The following ITFG1 variants were observed in gnomAD, a reference collection of about 807,000 sequenced individuals.
The protein encoded by ITFG1 is T-cell immunomodulatory protein.
ITFG1 carries 34 observed loss-of-function variants against 81.8 expected under a neutral mutation model. That is an observed-to-expected ratio of 0.42 (90% CI 0.32 to 0.55). The LOEUF is 0.55. Among genes scored for constraint, ITFG1 ranks in the 20% least tolerant of loss-of-function variants. ITFG1 has a pLI of 0.17. For missense variants in ITFG1, 672 were observed against 755.4 expected (o/e 0.89, Z 1.29); for synonymous variants, 285 against 270.6 (o/e 1.05, Z -0.52).
chr16:47,341,687 T>C (rs758224602), intron 8 of ITFG1, among the ~76,000 whole-genome samples: 52 of 152,088 alleles, frequency 3.4e-4, no homozygotes, highest in Non-Finnish European at 7.1e-4. Context: ...TGAACTTTTA[T>C]CTAGATTGAC....
intron 6 of ITFG1, among the ~76,000 whole-genome samples, chr16:47,421,689 A>T (rs545883736): frequency 6.6e-4 from 101 of 152,152 alleles, no homozygotes; most frequent in East Asian, 3.1e-3. Context: ...CCTTTTTTTT[A>T]AAATTATACT....
At chr16:47,164,134 C>T (rs146140695) in intron 14 of ITFG1, among the ~76,000 whole-genome samples, 1 of 150,942 alleles carries the variant, frequency 6.6e-6, no homozygotes, top group East Asian at 1.9e-4. Flanking sequence ...ATCGCTTAAC[C>T]CCACCCAAGG....
At chr16:47,189,976 G>A (rs1965272500) in intron 14 of ITFG1, among the ~76,000 whole-genome samples, 1 of 152,062 alleles carries the variant, frequency 6.6e-6, no homozygotes, top group Non-Finnish European at 1.5e-5. Context: ...TTCCTTTTGA[G>A]TTGTATTAGG....
At chr16:47,192,806 G>T (rs1428695011) in intron 14 of ITFG1, among the ~76,000 whole-genome samples, 1 of 152,150 alleles carries the variant, frequency 6.6e-6, no homozygotes, top group Non-Finnish European at 1.5e-5. Context: ...TACACACACA[G>T]AAACACAAGG....
At chr16:47,196,311 C>A (rs553194537) in intron 14 of ITFG1, 1 of 151,664 alleles carries the variant, frequency 6.6e-6, no homozygotes, top group Non-Finnish European at 1.5e-5. Context: ...AATTACTTCA[C>A]CTATTTCTTT....
intron 6 of ITFG1, among the ~76,000 whole-genome samples, chr16:47,382,692 T>C (rs1383403844): frequency 6.6e-6 from 1 of 152,192 alleles, no homozygotes; most frequent in Non-Finnish European, 1.5e-5. Flanking sequence ...CTTTATTTAT[T>C]TCAGATTGTA....
At chr16:47,425,254 G>T (rs1440447656) in intron 6 of ITFG1, among the ~76,000 whole-genome samples, 1 of 152,194 alleles carries the variant, frequency 6.6e-6, no homozygotes, top group Non-Finnish European at 1.5e-5. Flanking sequence ...GTGGAGCCAG[G>T]CACGGGAAGG....
intron 14 of ITFG1, among the ~76,000 whole-genome samples, chr16:47,207,128 G>A (rs1325982382): frequency 1.3e-5 from 2 of 152,144 alleles, no homozygotes; most frequent in Admixed American, 1.3e-4. Flanking sequence ...TGTCGCCCAG[G>A]CTGGAGTGCA....
At chr16:47,171,422 T>C (rs577815126) in intron 14 of ITFG1, among the ~76,000 whole-genome samples, 1 of 152,328 alleles carries the variant, frequency 6.6e-6, no homozygotes, top group East Asian at 1.9e-4. Flanking sequence ...TATTTGCCTT[T>C]TCCCTTTTTT....
chr16:47,438,307 A>G (rs1044542354), intron 5 of ITFG1, among the ~76,000 whole-genome samples: 2 of 152,240 alleles, frequency 1.3e-5, no homozygotes, highest in Non-Finnish European at 2.9e-5. Context: ...GCAGACTTAA[A>G]TATCTCTGTC....
intron 14 of ITFG1, among the ~76,000 whole-genome samples, chr16:47,188,145 A>T (rs1450404034): frequency 1.3e-5 from 2 of 149,776 alleles, no homozygotes; most frequent in Non-Finnish European, 3.0e-5. Context: ...AGAAATAGGA[A>T]CACTTTTACA....
At chr16:47,309,100 G>T (rs1391523720) in intron 10 of ITFG1, among the ~76,000 whole-genome samples, 5 of 130,976 alleles carry the variant, frequency 3.8e-5, no homozygotes, top group African/African-American at 5.8e-5. Flanking sequence ...ATGGCGTCTT[G>T]CTCTGTCGCC....
intron 10 of ITFG1, among the ~76,000 whole-genome samples, chr16:47,290,916 C>T (rs1421894019): frequency 3.3e-5 from 5 of 152,052 alleles, no homozygotes; most frequent in Admixed American, 6.6e-5. Context: ...AATGTGGTTT[C>T]ACAGTTTTTT....
At chr16:47,432,657 A>C (rs1969109624) in intron 5 of ITFG1, among the ~76,000 whole-genome samples, 1 of 152,264 alleles carries the variant, frequency 6.6e-6, no homozygotes, top group Non-Finnish European at 1.5e-5. Context: ...AGAAAATATT[A>C]AAATGAATTG....
At chr16:47,172,347 G>C (rs549940020) in intron 14 of ITFG1, among the ~76,000 whole-genome samples, 1 of 152,268 alleles carries the variant, frequency 6.6e-6, no homozygotes, top group African/African-American at 2.4e-5. Context: ...AATTAGCCAG[G>C]CGTGGTGGCG....
At chr16:47,155,812 TAGAA>T (rs765291234) in intron 17 of ITFG1, 34 bp from the exon 18 acceptor site, 6 of 1,476,448 alleles carry the variant, frequency 4.1e-6, no homozygotes, top group Admixed American at 1.8e-5. Context: ...TTATAAATGG[TAGAA>T]AGATGTTATG....
chr16:47,329,838 G>A (rs531144182), intron 8 of ITFG1, among the ~76,000 whole-genome samples: 2 of 152,218 alleles, frequency 1.3e-5, no homozygotes, highest in South Asian at 4.2e-4. Flanking sequence ...TGCGTCGAGA[G>A]CCCATATTCT....
rs147930982 is a variant in ITFG1 at position 47,337,740 on chromosome 16, G to A, written c.803-23917C>T. 2.0e-5 allele frequency among the ~76,000 whole-genome samples: 3 copies of A among 152,354 alleles called. No homozygotes were observed. In the East Asian group the frequency reaches 5.8e-4, roughly 29 times the overall value. On this transcript the variant is annotated intron_variant, in intron 8 of 17. Coordinates refer to ENST00000320640, the MANE Select transcript of ITFG1 (RefSeq NM_030790.5). Reference sequence around the variant, plus strand: ...ACACTCGTGTATGGTGAGATGCAGTGGGGGAGGGTTGCGGGGAGAGGTATG... The same window carrying A: ...ACACTCGTGTATGGTGAGATGCAGTAGGGGAGGGTTGCGGGGAGAGGTATG...
At chr16:47,341,638 C>T (rs1017675573) in intron 8 of ITFG1, among the ~76,000 whole-genome samples, 6 of 151,624 alleles carry the variant, frequency 4.0e-5, no homozygotes, top group South Asian at 4.2e-4. Context: ...ATAAAGAAAA[C>T]GGGATAGACA....
Sources: gnomAD v4.1 joint callset for allele counts (sites outside exome capture counted in the v4.1 genomes callset) on GRCh38, gnomAD v4.1.1 for gene constraint, MANE v1.5 for transcripts, NCBI Gene and HGNC (gene_info 2026-07-23, HGNC 2026-07-21) for gene names.